The following NBAS variants were observed in gnomAD, a reference collection of about 807,000 sequenced individuals.
NBAS encodes the protein NAG/BC035112 fusion.
In NBAS, 219 loss-of-function variants were observed where a neutral mutation model predicts 302.5. The observed-to-expected ratio is 0.72, with a 90% CI of 0.65 to 0.81. The LOEUF (loss-of-function observed/expected upper bound fraction) is 0.81, where lower values mean the gene tolerates loss of function less well. NBAS is among the 30% of genes least tolerant of loss of function. The probability of loss-of-function intolerance (pLI) is 0.00; values close to 1 mark genes in which losing one functional copy is unlikely to be tolerated. For missense variants in NBAS, 2,932 were observed against 2,841.6 expected, an observed-to-expected ratio of 1.03 and a Z score of -0.72; for synonymous variants, 1,118 against 1,021.6, an observed-to-expected ratio of 1.09 and a Z score of -1.80.
At chr2:14,868,312 TA>T in the NBAS span, among the ~76,000 whole-genome samples, 1 of 152,318 alleles carries the variant, frequency 6.6e-6, no homozygotes, top group Non-Finnish European at 1.5e-5. Context: ...CTTGATCAGG[TA>T]TTTCTTATTA....
chr2:15,365,584 C>T (rs1252063520), intron 32 of NBAS, among the ~76,000 whole-genome samples: 1 of 152,160 alleles, frequency 6.6e-6, no homozygotes, highest in African/African-American at 2.4e-5. Flanking sequence ...TTCCAGATGT[C>T]TCACAACGGA....
chr2:15,041,374 G>T, the NBAS span, among the ~76,000 whole-genome samples: 1 of 152,220 alleles, frequency 6.6e-6, no homozygotes, highest in African/African-American at 2.4e-5. Context: ...GGAGCATTTT[G>T]TTCACCCACA....
At chr2:15,320,456 T>C (rs1171906821) in intron 38 of NBAS, among the ~76,000 whole-genome samples, 1 of 152,182 alleles carries the variant, frequency 6.6e-6, no homozygotes, top group Non-Finnish European at 1.5e-5. Context: ...GGAAGTCAAA[T>C]TGTCTCTGTT....
the NBAS span, among the ~76,000 whole-genome samples, chr2:14,865,937 C>T: frequency 6.6e-6 from 1 of 152,092 alleles, no homozygotes; most frequent in African/African-American, 2.4e-5. Context: ...TCATTCACTC[C>T]AAATCTCATA....
chr2:15,467,700 T>G lies in NBAS; in HGVS notation c.1982A>C (p.Lys661Thr), dbSNP rs764900932. Residue 661 changes from lysine (K) to threonine (T), a missense_variant, in exon 18 of 52, where the codon AAG (lysine) becomes ACG (threonine). Coordinates refer to ENST00000281513, the MANE Select transcript of NBAS (RefSeq NM_015909.4). ...AKNKKEKELK[K>T]RQELLKLVNF... is the part of the protein sequence containing the mutation. ...CACTAATTTCAGTAGTTCTTGTCTC[T>G]TCTTGAGCTCCTTTTCCTTTTTATT... is the stretch of plus-strand genomic sequence containing the variant. 6.2e-7 allele frequency: 1 copy of G among 1,612,876 alleles called. No individual in the cohort carries two copies. Among genetic ancestry groups the G allele is most frequent in the South Asian group, 1.1e-5 (1 of 90,986 alleles).
At chr2:15,470,593 T>C (rs1002490838) in intron 16 of NBAS, among the ~76,000 whole-genome samples, 2 of 152,210 alleles carry the variant, frequency 1.3e-5, no homozygotes, top group Non-Finnish European at 2.9e-5. Flanking sequence ...CCATCTGTCC[T>C]GTTAAGAATG....
chr2:15,042,103 G>T, the NBAS span, among the ~76,000 whole-genome samples: 3 of 152,198 alleles, frequency 2.0e-5, no homozygotes, highest in African/African-American at 7.2e-5. Flanking sequence ...AGGATTGCTG[G>T]AGGCCTCATG....
chr2:14,989,287 A>ATGTGTGTG, the NBAS span, among the ~76,000 whole-genome samples: 166 of 71,012 alleles, frequency 2.3e-3, 1 homozygote, highest in Middle Eastern at 6.0e-3. Context: ...TAGTAGATGT[A>ATGTGTGTG]TGTGTATGTG....
the NBAS span, among the ~76,000 whole-genome samples, chr2:14,863,562 A>C: frequency 2.0e-5 from 3 of 152,206 alleles, no homozygotes. Flanking sequence ...TAAGACAGAA[A>C]CTGACTGTTT....
the NBAS span, among the ~76,000 whole-genome samples, chr2:15,025,901 A>G: frequency 4.6e-5 from 7 of 152,192 alleles, no homozygotes; most frequent in Non-Finnish European, 2.9e-5. Flanking sequence ...GAATCATGTC[A>G]TCTGCAAACA....
At chr2:15,516,637 C>G (rs933397900) in intron 9 of NBAS, among the ~76,000 whole-genome samples, 1 of 151,530 alleles carries the variant, frequency 6.6e-6, no homozygotes, top group African/African-American at 2.4e-5. Flanking sequence ...GCACCAGAAT[C>G]GCTTGAGCCT....
At chr2:15,394,420 A>T (rs1675765967) in intron 27 of NBAS, 71 bp from the exon 28 acceptor site, 1 of 1,537,892 alleles carries the variant, frequency 6.5e-7, no homozygotes, top group South Asian at 1.1e-5. Context: ...TTAGGCATAG[A>T]GGTAGCCCTT....
At chr2:15,359,639 T>G (rs1215438606) in intron 32 of NBAS, among the ~76,000 whole-genome samples, 2 of 152,180 alleles carry the variant, frequency 1.3e-5, no homozygotes, top group East Asian at 3.8e-4. Context: ...TTCAACATAT[T>G]CCTTTACTTT....
At chr2:15,496,188 G>A (rs564342760) in intron 11 of NBAS, among the ~76,000 whole-genome samples, 4 of 151,942 alleles carry the variant, frequency 2.6e-5, no homozygotes, top group African/African-American at 9.7e-5. Flanking sequence ...CAACATGGGT[G>A]AACCTTGAAA....
the NBAS span, among the ~76,000 whole-genome samples, chr2:15,112,955 A>C: frequency 1.3e-5 from 2 of 152,162 alleles, no homozygotes; most frequent in South Asian, 2.1e-4. Flanking sequence ...AATAAGACTA[A>C]ATGAGGAAAT....
the NBAS span, among the ~76,000 whole-genome samples, chr2:14,843,236 C>T: frequency 2.2e-4 from 34 of 152,240 alleles, no homozygotes; most frequent in East Asian, 6.2e-3. Flanking sequence ...AATTTGAAAG[C>T]CTTTTCTCTA....
At chr2:15,083,007 G>T in the NBAS span, among the ~76,000 whole-genome samples, 7 of 152,226 alleles carry the variant, frequency 4.6e-5, no homozygotes. Flanking sequence ...TGTTTTGGGG[G>T]GTTATTCATC....
At chr2:15,353,031 G>A (rs1439504862) in intron 34 of NBAS, among the ~76,000 whole-genome samples, 1 of 152,000 alleles carries the variant, frequency 6.6e-6, no homozygotes, top group Non-Finnish European at 1.5e-5. Flanking sequence ...AATGACTATG[G>A]GATGAAAATG....
chr2:14,953,165 T>C, the NBAS span, among the ~76,000 whole-genome samples: 2 of 152,166 alleles, frequency 1.3e-5, no homozygotes, highest in South Asian at 4.1e-4. Flanking sequence ...GCTGGAGGGC[T>C]GGACGGGCCA....
Sources: allele counts gnomAD v4.1 joint callset (sites outside exome capture counted in the v4.1 genomes callset), GRCh38; gene constraint gnomAD v4.1.1; transcripts MANE v1.5; gene names NCBI Gene and HGNC (gene_info 2026-07-23, HGNC 2026-07-21).